LGR4: variants seen among roughly 807,000 people sequenced by gnomAD.
LGR4 encodes the protein leucine-rich repeat-containing G protein-coupled receptor 4.
A neutral mutation model predicts 84.8 loss-of-function variants in LGR4; 44 were observed. That is an observed-to-expected ratio of 0.52 (90% CI 0.41 to 0.67). The LOEUF is 0.67. LGR4 is among the 30% of genes least tolerant of loss of function. The pLI, the probability that LGR4 is intolerant of heterozygous loss-of-function variation, is 0.00. For synonymous variants in LGR4, 429 were observed against 434.3 expected (o/e 0.99, Z 0.15); for missense variants, 1,032 against 1,131.4 (o/e 0.91, Z 1.26).
At chr11:27,424,631 G>A (rs1863986383) in intron 1 of LGR4, among the ~76,000 whole-genome samples, 1 of 152,194 alleles carries the variant, frequency 6.6e-6, no homozygotes, top group Non-Finnish European at 1.5e-5. Flanking sequence ...GCTCATCACA[G>A]AAAGAAGGCC....
rs1590348363 is a variant in LGR4, at chr11:27,381,032, T to C, written c.759-66A>G. On this transcript the variant is annotated intron_variant, in intron 7 of 17. Transcript: ENST00000379214. ...TCTTGCGAAATAAAACCCAAGTATC[T>C]ACTGCTGTTCAGCATTATATAAAAT... 5 of 838,970 alleles carry C rather than the reference T, an allele frequency of 6.0e-6. No homozygotes were observed. The East Asian group carries it at 1.2e-4, about 20-fold the overall frequency. The allele number at this position is 838,970 out of a possible 1,614,324, so 52.0% of individuals were successfully genotyped here.
intron 1 of LGR4, among the ~76,000 whole-genome samples, chr11:27,413,569 A>G (rs1169502247): frequency 6.6e-6 from 1 of 152,160 alleles, no homozygotes; most frequent in Admixed American, 6.6e-5. Flanking sequence ...TTTCTCTGCC[A>G]CACTCCACTT....
intron 1 of LGR4, among the ~76,000 whole-genome samples, chr11:27,438,706 G>A (rs940624506): frequency 1.3e-5 from 2 of 152,118 alleles, no homozygotes; most frequent in African/African-American, 4.8e-5. Context: ...TGAAGTAAAG[G>A]AGAATTTGCT....
intron 1 of LGR4, among the ~76,000 whole-genome samples, chr11:27,414,251 A>G (rs958815451): frequency 6.6e-6 from 1 of 152,106 alleles, no homozygotes; most frequent in African/African-American, 2.4e-5. Context: ...CCTGTTATTA[A>G]TACTTCTCTC....
intron 1 of LGR4, among the ~76,000 whole-genome samples, chr11:27,429,500 T>C (rs1286455003): frequency 6.9e-6 from 1 of 144,334 alleles, no homozygotes; most frequent in African/African-American, 2.5e-5. Context: ...AAAAAGGGAA[T>C]AGAAACAGGA....
At chr11:27,453,678 A>G (rs1864523890) in intron 1 of LGR4, among the ~76,000 whole-genome samples, 1 of 152,248 alleles carries the variant, frequency 6.6e-6, no homozygotes, top group African/African-American at 2.4e-5. Flanking sequence ...ACAGTCCCTA[A>G]CACATCAGAC....
At chr11:27,470,304 G>C (rs1329957085) in intron 1 of LGR4, among the ~76,000 whole-genome samples, 1 of 152,136 alleles carries the variant, frequency 6.6e-6, no homozygotes, top group Non-Finnish European at 1.5e-5. Context: ...GGAGAGAGGA[G>C]TATGCTCTCA....
At chr11:27,435,119 GAGATC>G (rs1485717480) in intron 1 of LGR4, among the ~76,000 whole-genome samples, 1 of 152,042 alleles carries the variant, frequency 6.6e-6, no homozygotes, top group African/African-American at 2.4e-5. Context: ...GAGATCACTT[GAGATC>G]AGGCGTTCGA....
At chr11:27,378,669 A>AG (rs780877128) in intron 11 of LGR4, 28 bp downstream of exon 11, 1 of 1,447,048 alleles carries the variant, frequency 6.9e-7, no homozygotes, top group South Asian at 1.2e-5. Context: ...AAAAGGTATG[A>AG]GGGGAAGGGA....
intron 1 of LGR4, among the ~76,000 whole-genome samples, chr11:27,433,378 G>A (rs564375182): frequency 5.9e-4 from 84 of 143,332 alleles, no homozygotes; most frequent in Non-Finnish European, 9.9e-4. Flanking sequence ...ATGCACGCCC[G>A]GCTAATTTAT....
At chr11:27,463,496 T>C (rs994848006) in intron 1 of LGR4, among the ~76,000 whole-genome samples, 22 of 151,978 alleles carry the variant, frequency 1.4e-4, no homozygotes, top group Admixed American at 1.3e-3. Context: ...ATTTAAAACA[T>C]GACACTTGGC....
At chr11:27,458,544 AT>A (rs561155202) in intron 1 of LGR4, among the ~76,000 whole-genome samples, 3,254 of 147,014 alleles carry the variant, frequency 0.022, 56 homozygotes, top group Middle Eastern at 0.052. Flanking sequence ...TTTTTTAAGT[AT>A]TTTTTTTTTT....
intron 1 of LGR4, among the ~76,000 whole-genome samples, chr11:27,432,639 G>A (rs1220725568): frequency 2.0e-5 from 3 of 152,180 alleles, no homozygotes; most frequent in Non-Finnish European, 4.4e-5. Context: ...TAGGACATCC[G>A]AGAGTGTCTA....
intron 4 of LGR4, among the ~76,000 whole-genome samples, chr11:27,390,156 G>A (rs1398210831): frequency 6.6e-6 from 1 of 151,698 alleles, no homozygotes. Context: ...TGTCTCTTTG[G>A]TGCCGTTAAA....
At position 27,366,468 on chromosome 11, in the gene LGR4, A is replaced by T. The variant is rs540245722; in HGVS notation, c.*1399T>A. ...GTTCTAAAAATAATTTACATAAGAT[A>T]AAAATTCATTATATGCACAGTATGT... On this transcript the variant is annotated 3_prime_UTR_variant, in exon 18 of 18. Coordinates refer to ENST00000379214, the MANE Select transcript of LGR4 (RefSeq NM_018490.5). The T allele has an allele frequency of 7.0e-4, 107 of 152,704 alleles. No individual in the cohort carries two copies. The highest frequency in any genetic ancestry group is 2.4e-3 in the African/African-American group (99 of 41,588). 9.5% of individuals were successfully genotyped at this position (152,704 alleles called of 1,614,324 possible).
chr11:27,469,036 C>G (rs1864826841), intron 1 of LGR4, among the ~76,000 whole-genome samples: 1 of 152,110 alleles, frequency 6.6e-6, no homozygotes, highest in African/African-American at 2.4e-5. Context: ...TCTGATTAAA[C>G]TTCGGAATTT....
At chr11:27,375,312 A>AG (rs1862957136) in intron 13 of LGR4, among the ~76,000 whole-genome samples, 1 of 151,328 alleles carries the variant, frequency 6.6e-6, no homozygotes, top group African/African-American at 2.4e-5. Flanking sequence ...AAAAAAAAAA[A>AG]AGAAAAAGAA....
At chr11:27,427,735 A>G (rs1864047743) in intron 1 of LGR4, among the ~76,000 whole-genome samples, 1 of 152,222 alleles carries the variant, frequency 6.6e-6, no homozygotes, top group Admixed American at 6.5e-5. Flanking sequence ...AGCAGCTTCA[A>G]GAAACTGATT....
rs1862757813 is a variant in LGR4 at position 27,366,057 on chromosome 11, T to C, written c.*1810A>G. ...ATTAACACTTTTATATATCTGTTATTCTAGTTTTTAAATGAATAAAATGAA... is the reference window on the plus strand; with the variant it reads ...ATTAACACTTTTATATATCTGTTATCCTAGTTTTTAAATGAATAAAATGAA... On this transcript the variant is annotated 3_prime_UTR_variant, in exon 18 of 18. Coordinates refer to ENST00000379214, the MANE Select transcript of LGR4 (RefSeq NM_018490.5). 6.6e-6 allele frequency: 1 copy of C among 152,576 alleles called. No homozygotes were observed. Among genetic ancestry groups the C allele is most frequent in the Non-Finnish European group, 1.5e-5 (1 of 67,994 alleles). 9.5% of individuals were successfully genotyped at this position (152,576 alleles called of 1,614,324 possible). A position where few individuals can be genotyped will look rare whatever the true frequency, so the allele number is the denominator to read the frequency against.
Sources: gnomAD v4.1 joint callset for allele counts (sites outside exome capture counted in the v4.1 genomes callset) on GRCh38, gnomAD v4.1.1 for gene constraint, MANE v1.5 for transcripts, NCBI Gene and HGNC (gene_info 2026-07-23, HGNC 2026-07-21) for gene names.